PECR: variants seen among roughly 807,000 people sequenced by gnomAD.
PECR encodes peroxisomal trans-2-enoyl-CoA reductase.
A neutral mutation model predicts 35.3 loss-of-function variants in PECR; 30 were observed. That is an observed-to-expected ratio of 0.85 (90% CI 0.64 to 1.15). PECR has a LOEUF of 1.15. PECR is among the 50% of genes most tolerant of loss of function. PECR has a pLI of 0.00. For missense variants in PECR, 392 were observed against 370.8 expected (o/e 1.06, Z -0.47); for synonymous variants, 148 against 138.9 (o/e 1.07, Z -0.46).
rs138212620 is a variant in PECR at position 216,066,511 on chromosome 2, A to G, written c.132T>C (p.Asn44=). ...CCAACTTACGGGATGCAATGACCACATTACTCCCTGAGGAGAAACAGCCAG... is the reference window on the plus strand; with the variant it reads ...CCAACTTACGGGATGCAATGACCACGTTACTCCCTGAGGAGAAACAGCCAG... ...IVKELLELGS[N]VVIASRKLER... is the part of the protein sequence containing the mutation. Residue 44 remains asparagine, a synonymous_variant, in exon 2 of 8, where the codon AAT becomes AAC. Transcript: ENST00000265322. 2.3e-4 allele frequency: 378 copies of G among 1,614,004 alleles called. No individual in the cohort carries two copies. In the African/African-American group the frequency reaches 4.3e-3, roughly 18 times the overall value.
Position 216,046,309 on chromosome 2 carries a change from TA to T in PECR, c.715-2295del, listed in dbSNP as rs141837867. Among the ~76,000 whole-genome samples the T allele has an allele frequency of 2.3e-3, 271 of 116,526 alleles. 1 individual carries two copies. Among genetic ancestry groups the T allele is most frequent in the Middle Eastern group, 4.1e-3 (1 of 244 alleles). 76.4% of individuals were successfully genotyped at this position (116,526 alleles called of 152,430 possible). Reference sequence around the variant, plus strand: ...ATATACATACATATATATATATATATATTTTTTTTTTTTTTTTTTTTGAGAA... The same window carrying T: ...ATATACATACATATATATATATATATTTTTTTTTTTTTTTTTTTTTGAGAA... On this transcript the variant is annotated intron_variant, in intron 6 of 7. Coordinates refer to ENST00000265322, the MANE Select transcript of PECR (RefSeq NM_018441.6).
At chr2:216,031,636 G>A (rs893969624) in intron 7 of PECR, among the ~76,000 whole-genome samples, 5 of 89,336 alleles carry the variant, frequency 5.6e-5, no homozygotes, top group Admixed American at 2.2e-4. Context: ...AACAAGGAAG[G>A]AAGGAAGAAG....
chr2:216,081,116 T>C (rs973026870), intron 1 of PECR, among the ~76,000 whole-genome samples: 3 of 152,242 alleles, frequency 2.0e-5, no homozygotes, highest in Non-Finnish European at 2.9e-5. Flanking sequence ...TGTTCTCCTT[T>C]GTGGTTTATT....
intron 1 of PECR, among the ~76,000 whole-genome samples, chr2:216,073,682 C>A (rs927889919): frequency 6.6e-6 from 1 of 151,326 alleles, no homozygotes; most frequent in Non-Finnish European, 1.5e-5. Context: ...TTTATTATAT[C>A]TTTTGTATGT....
downstream of PECR, among the ~76,000 whole-genome samples, chr2:216,034,500 A>G (rs1376517329): frequency 3.3e-5 from 5 of 152,028 alleles, no homozygotes; most frequent in Non-Finnish European, 7.4e-5. Context: ...ACTGTACTGC[A>G]GTCTGTGATA....
intron 3 of PECR, among the ~76,000 whole-genome samples, chr2:216,062,769 A>T (rs987120807): frequency 6.6e-6 from 1 of 152,234 alleles, no homozygotes; most frequent in Non-Finnish European, 1.5e-5. Context: ...GGTCAAAAAC[A>T]GATTGCATAT....
chr2:216,075,863 G>A (rs895839452), intron 1 of PECR, among the ~76,000 whole-genome samples: 23 of 152,198 alleles, frequency 1.5e-4, no homozygotes, highest in Non-Finnish European at 2.8e-4. Flanking sequence ...AATTTCCACC[G>A]GCATTTCCTA....
At chr2:216,081,538 C>T (rs1013987392) in intron 1 of PECR, 80 bp downstream of exon 1, 24 of 1,579,144 alleles carry the variant, frequency 1.5e-5, no homozygotes, top group Non-Finnish European at 1.9e-5. Flanking sequence ...CTCAGCCCCG[C>T]CGAGAGCTCC....
chr2:216,054,483 G>A (rs188487438), intron 4 of PECR, among the ~76,000 whole-genome samples: 3 of 146,080 alleles, frequency 2.1e-5, no homozygotes, highest in African/African-American at 7.5e-5. Context: ...TTACAGGTGT[G>A]TGACACCACA....
At chr2:216,071,964 T>C (rs1695597722) in intron 1 of PECR, among the ~76,000 whole-genome samples, 1 of 152,240 alleles carries the variant, frequency 6.6e-6, no homozygotes, top group Non-Finnish European at 1.5e-5. Flanking sequence ...TCAGCTTGCA[T>C]GATCATTGTT....
At chr2:216,063,243 T>C (rs1030780263) in intron 3 of PECR, among the ~76,000 whole-genome samples, 47 of 152,348 alleles carry the variant, frequency 3.1e-4, no homozygotes, top group African/African-American at 9.4e-4. Flanking sequence ...CTTTATCATA[T>C]AGATGTATAA....
intron 4 of PECR, 68 bp downstream of exon 4, chr2:216,058,827 A>G (rs920039935): frequency 1.4e-5 from 12 of 843,916 alleles, no homozygotes; most frequent in Middle Eastern, 2.2e-4. Flanking sequence ...AATGTTCCCT[A>G]ACATGCTTCC....
At chr2:216,048,799 T>G (rs1695045911) in intron 6 of PECR, among the ~76,000 whole-genome samples, 1 of 134,218 alleles carries the variant, frequency 7.5e-6, no homozygotes. Context: ...GCTATGATCG[T>G]GACACTATAC....
downstream of PECR, among the ~76,000 whole-genome samples, chr2:216,036,319 T>C (rs1267558597): frequency 6.6e-6 from 1 of 152,162 alleles, no homozygotes; most frequent in African/African-American, 2.4e-5. Context: ...ATCCGGTAGA[T>C]GAAACTGGGA....
chr2:216,071,724 T>C (rs1695591623), intron 1 of PECR, among the ~76,000 whole-genome samples: 2 of 152,204 alleles, frequency 1.3e-5, no homozygotes, highest in Admixed American at 1.3e-4. Context: ...AGTAACGCCC[T>C]GCAAGTTAAG....
chr2:216,053,065 G>C (rs552299319), intron 4 of PECR, among the ~76,000 whole-genome samples: 1 of 152,166 alleles, frequency 6.6e-6, no homozygotes, highest in East Asian at 1.9e-4. Context: ...TGTTGGCCAG[G>C]CTGGTCTCAA....
At chr2:216,068,747 C>G (rs1380580655) in intron 1 of PECR, among the ~76,000 whole-genome samples, 1 of 151,524 alleles carries the variant, frequency 6.6e-6, no homozygotes, top group Admixed American at 6.6e-5. Context: ...CACTGATCCT[C>G]CCACCCCAGC....
chr2:216,045,394 T>C (rs2105945768), intron 6 of PECR, among the ~76,000 whole-genome samples: 1 of 152,336 alleles, frequency 6.6e-6, no homozygotes. Context: ...AGACTGAGTA[T>C]GGGAAAAATA....
chr2:216,080,477 C>G (rs937867663), intron 1 of PECR, among the ~76,000 whole-genome samples: 28 of 152,156 alleles, frequency 1.8e-4, no homozygotes, highest in African/African-American at 6.8e-4. Context: ...TTTCACTACT[C>G]AAGACTACAT....
Sources: gnomAD v4.1 joint callset for allele counts (sites outside exome capture counted in the v4.1 genomes callset) on GRCh38, gnomAD v4.1.1 for gene constraint, MANE v1.5 for transcripts, NCBI Gene and HGNC (gene_info 2026-07-23, HGNC 2026-07-21) for gene names.